KIF6: variants seen among roughly 807,000 people sequenced by gnomAD.
KIF6 encodes kinesin family member 6, also known as kinesin-like protein KIF6.
KIF6 carries 106 observed loss-of-function variants against 112.7 expected under a neutral mutation model. That is an observed-to-expected ratio of 0.94 (90% confidence interval 0.80 to 1.11). KIF6 has a LOEUF of 1.11. Ranked by LOEUF, KIF6 falls within the 50% of genes least tolerant of loss-of-function variation. The pLI is 0.00. For synonymous variants in KIF6, 339 were observed against 339.9 expected, an observed-to-expected ratio of 1.00 and a Z score of 0.03; for missense variants, 929 against 964.0, an observed-to-expected ratio of 0.96 and a Z score of 0.48.
chr6:39,540,269 T>G, intron 12 of KIF6, 48 bp from the exon 13 acceptor site: 1 of 1,176,522 alleles, frequency 8.5e-7, no homozygotes, highest in South Asian at 1.4e-5. Flanking sequence ...CTTATAGTAA[T>G]CAAAACACAA....
chr6:39,620,399 A>T (rs1489410228), intron 5 of KIF6: 1 of 152,228 alleles, frequency 6.6e-6, no homozygotes, highest in Admixed American at 6.5e-5. Flanking sequence ...ATAAGAATAG[A>T]TACATCTAGA....
chr6:39,500,361 A>G (rs567437015), intron 13 of KIF6, among the ~76,000 whole-genome samples: 4 of 152,348 alleles, frequency 2.6e-5, no homozygotes, highest in East Asian at 1.9e-4. Flanking sequence ...ACTGGCAAGA[A>G]TAAATAAGCA....
At chr6:39,581,189 C>T (rs1220304301) in intron 9 of KIF6, among the ~76,000 whole-genome samples, 1 of 99,332 alleles carries the variant, frequency 1.0e-5, no homozygotes, top group African/African-American at 4.0e-5. Flanking sequence ...TTTTTTGACA[C>T]AGAGTTTTGC....
chr6:39,470,753 G>A (rs1774077015), intron 13 of KIF6, among the ~76,000 whole-genome samples: 1 of 152,154 alleles, frequency 6.6e-6, no homozygotes, highest in Non-Finnish European at 1.5e-5. Flanking sequence ...AACTCTGTCA[G>A]GCCAGAAAAA....
At chr6:39,586,212 T>C (rs1781621346) in intron 8 of KIF6, 49 bp downstream of exon 8, 2 of 1,605,382 alleles carry the variant, frequency 1.2e-6, no homozygotes, top group African/African-American at 1.3e-5. Context: ...TCTCACGTGC[T>C]AGCAGTAAAA....
At chr6:39,470,329 G>A (rs990702576) in intron 13 of KIF6, among the ~76,000 whole-genome samples, 12 of 152,178 alleles carry the variant, frequency 7.9e-5, no homozygotes, top group African/African-American at 2.2e-4. Flanking sequence ...TAGCTGAGCC[G>A]TACAATGTGA....
At chr6:39,362,240 T>C (rs1765216078) in intron 17 of KIF6, among the ~76,000 whole-genome samples, 194 bp downstream of exon 17, 1 of 152,134 alleles carries the variant, frequency 6.6e-6, no homozygotes, top group Admixed American at 6.5e-5. Flanking sequence ...TTGTTCTGCA[T>C]TCTAACCTCA....
At chr6:39,658,140 G>T (rs1442731008) in intron 3 of KIF6, among the ~76,000 whole-genome samples, 1 of 152,090 alleles carries the variant, frequency 6.6e-6, no homozygotes, top group Non-Finnish European at 1.5e-5. Flanking sequence ...GTTAAGTTTA[G>T]ACACAAAAAG....
At chr6:39,595,305 GA>G (rs1782192608) in intron 7 of KIF6, among the ~76,000 whole-genome samples, 1 of 152,104 alleles carries the variant, frequency 6.6e-6, no homozygotes, top group South Asian at 2.1e-4. Context: ...GACAAAAAGT[GA>G]AAAAAGGTAT....
chr6:39,650,548 A>C (rs1384447879), intron 3 of KIF6, among the ~76,000 whole-genome samples: 1 of 151,668 alleles, frequency 6.6e-6, no homozygotes, highest in Non-Finnish European at 1.5e-5. Flanking sequence ...TCTTATTTAC[A>C]TAATTTATAA....
At chr6:39,415,580 T>C (rs1346205107) in intron 15 of KIF6, among the ~76,000 whole-genome samples, 1 of 152,218 alleles carries the variant, frequency 6.6e-6, no homozygotes, top group Non-Finnish European at 1.5e-5. Context: ...AACAAAAGGA[T>C]ATACTTGATC....
At chr6:39,594,001 T>A (rs534493477) in intron 7 of KIF6, among the ~76,000 whole-genome samples, 1 of 152,206 alleles carries the variant, frequency 6.6e-6, no homozygotes, top group Non-Finnish European at 1.5e-5. Context: ...TTGTTCACAC[T>A]AGGCTCCAGT....
chr6:39,488,202 A>G (rs894008113), intron 13 of KIF6, among the ~76,000 whole-genome samples: 1 of 152,246 alleles, frequency 6.6e-6, no homozygotes, highest in Non-Finnish European at 1.5e-5. Flanking sequence ...CTTGCCAAGA[A>G]TTGGCAGCAT....
intron 19 of KIF6, among the ~76,000 whole-genome samples, chr6:39,348,485 T>A (rs1169889502): frequency 6.6e-6 from 1 of 152,076 alleles, no homozygotes; most frequent in Non-Finnish European, 1.5e-5. Context: ...TGCTCAAGCA[T>A]CCTGTTCCTG....
At chr6:39,402,728 G>C (rs1013560922) in intron 15 of KIF6, among the ~76,000 whole-genome samples, 1 of 152,206 alleles carries the variant, frequency 6.6e-6, no homozygotes, top group Non-Finnish European at 1.5e-5. Flanking sequence ...GCTCAATCCT[G>C]AGGGCCTCCT....
At chr6:39,678,845 G>T (rs1787328417) in intron 3 of KIF6, among the ~76,000 whole-genome samples, 3 of 152,126 alleles carry the variant, frequency 2.0e-5, no homozygotes, top group African/African-American at 7.2e-5. Context: ...ACATTTTGGA[G>T]TCTTTACAAT....
chr6:39,461,748 T>TA (rs1218593343), intron 13 of KIF6, among the ~76,000 whole-genome samples: 1 of 152,162 alleles, frequency 6.6e-6, no homozygotes, highest in Non-Finnish European at 1.5e-5. Context: ...TTTACAAGTG[T>TA]AAAATGTAGC....
chr6:39,705,333 T>A (rs2113850282), intron 3 of KIF6, among the ~76,000 whole-genome samples: 1 of 152,310 alleles, frequency 6.6e-6, no homozygotes, highest in South Asian at 2.1e-4. Flanking sequence ...ACCACTGGCC[T>A]AGACAAAAGA....
At chr6:39,689,455 C>T (rs1788056706) in intron 3 of KIF6, among the ~76,000 whole-genome samples, 1 of 151,512 alleles carries the variant, frequency 6.6e-6, no homozygotes. Context: ...CCTGGTCACA[C>T]CACTGCACTC....
Sources: allele counts gnomAD v4.1 joint callset (sites outside exome capture counted in the v4.1 genomes callset), GRCh38; gene constraint gnomAD v4.1.1; transcripts MANE v1.5; gene names NCBI Gene and HGNC (gene_info 2026-07-23, HGNC 2026-07-21).